CDH13: variants seen among roughly 807,000 people sequenced by gnomAD.
The protein encoded by CDH13 is cadherin-13.
CDH13 carries 24 observed loss-of-function variants against 63.8 expected under a neutral mutation model. That is an observed-to-expected ratio of 0.38 (90% confidence interval 0.27 to 0.53). The LOEUF (loss-of-function observed/expected upper bound fraction) is 0.53, where lower values mean the gene tolerates loss of function less well. Ranked by LOEUF, CDH13 falls within the 20% of genes least tolerant of loss-of-function variation. CDH13 has a pLI of 0.85. For missense variants in CDH13, 1,049 were observed against 903.1 expected, an observed-to-expected ratio of 1.16 and a Z score of -2.07; for synonymous variants, 503 against 355.3, an observed-to-expected ratio of 1.42 and a Z score of -4.67.
At chr16:83,715,400 A>G (rs956531029) in intron 10 of CDH13, among the ~76,000 whole-genome samples, 2 of 152,146 alleles carry the variant, frequency 1.3e-5, no homozygotes, top group African/African-American at 4.8e-5. Context: ...GGATTTCCTC[A>G]GGCAGTTGTT....
intron 4 of CDH13, among the ~76,000 whole-genome samples, chr16:83,147,815 C>T (rs1400869358): frequency 6.6e-6 from 1 of 152,174 alleles, no homozygotes; most frequent in Non-Finnish European, 1.5e-5. Context: ...CCTCACCTCA[C>T]TCATCTTGGT....
chr16:82,875,507 C>G (rs2040474342), intron 2 of CDH13, among the ~76,000 whole-genome samples: 1 of 152,140 alleles, frequency 6.6e-6, no homozygotes, highest in African/African-American at 2.4e-5. Flanking sequence ...GCAATGGGAA[C>G]TCATAGAATT....
At chr16:82,627,398 G>C (rs1243435883) in intron 1 of CDH13, among the ~76,000 whole-genome samples, 2 of 150,878 alleles carry the variant, frequency 1.3e-5, no homozygotes, top group East Asian at 3.9e-4. Context: ...GTTAACGGGA[G>C]GAGGAGAGAG....
At chr16:82,981,544 C>G (rs1358273613) in intron 2 of CDH13, among the ~76,000 whole-genome samples, 2 of 152,152 alleles carry the variant, frequency 1.3e-5, no homozygotes, top group Non-Finnish European at 2.9e-5. Context: ...TTAAACTAGT[C>G]TTCCCCTGCT....
chr16:82,952,314 A>G (rs1000851403), intron 2 of CDH13, among the ~76,000 whole-genome samples: 30 of 152,156 alleles, frequency 2.0e-4, no homozygotes, highest in Admixed American at 1.9e-3. Context: ...ATGAGCAATC[A>G]TTGCACCTCT....
At chr16:83,131,948 G>A (rs1351266932) in intron 4 of CDH13, among the ~76,000 whole-genome samples, 3 of 152,134 alleles carry the variant, frequency 2.0e-5, no homozygotes, top group Admixed American at 6.5e-5. Context: ...TGTCATGAAC[G>A]TAAGTCAGAC....
At chr16:83,073,263 G>T (rs974931468) in intron 3 of CDH13, among the ~76,000 whole-genome samples, 4 of 151,930 alleles carry the variant, frequency 2.6e-5, no homozygotes, top group Non-Finnish European at 5.9e-5. Context: ...AACAGAGTTC[G>T]AGGTTGAACC....
intron 3 of CDH13, among the ~76,000 whole-genome samples, chr16:83,083,100 T>C (rs2033362237): frequency 6.6e-6 from 1 of 152,224 alleles, no homozygotes. Flanking sequence ...TCTCTAAATA[T>C]CTTCACTAAA....
At chr16:83,263,349 T>C (rs977058160) in intron 5 of CDH13, among the ~76,000 whole-genome samples, 1 of 152,212 alleles carries the variant, frequency 6.6e-6, no homozygotes, top group Non-Finnish European at 1.5e-5. Flanking sequence ...AACAGCGATG[T>C]TTTGTTTTCA....
At chr16:83,356,388 C>T (rs1190331947) in intron 6 of CDH13, among the ~76,000 whole-genome samples, 2 of 152,052 alleles carry the variant, frequency 1.3e-5, no homozygotes. Context: ...GCCAGATTCT[C>T]CCCCTAGCGG....
intron 10 of CDH13, chr16:83,735,832 C>A (rs752893299): frequency 5.9e-5 from 9 of 152,156 alleles, no homozygotes; most frequent in Non-Finnish European, 1.3e-4. Context: ...TAGGCCTGGT[C>A]GGGAGTTCAT....
At chr16:83,402,335 G>T (rs1015958985) in intron 6 of CDH13, among the ~76,000 whole-genome samples, 3 of 152,104 alleles carry the variant, frequency 2.0e-5, no homozygotes, top group African/African-American at 7.2e-5. Flanking sequence ...CAAGATTATA[G>T]AACAGGACAC....
rs1904281897 is a variant in CDH13 at position 83,796,494 on chromosome 16, G to A, written c.*1464G>A. The A allele has an allele frequency of 6.6e-6, 1 of 152,190 alleles. No homozygotes were observed. Among genetic ancestry groups the A allele is most frequent in the Admixed American group, 6.5e-5 (1 of 15,282 alleles). The allele number at this position is 152,190 out of a possible 1,614,324, so 9.4% of individuals were successfully genotyped here. ...TTGTTGTAGTGAAATTATACAGATA[G>A]AGTTCCATATATTGTATTTGTTTCA... On this transcript the variant is annotated 3_prime_UTR_variant, in exon 14 of 14. Coordinates refer to ENST00000567109, the MANE Select transcript of CDH13 (RefSeq NM_001257.5).
chr16:83,094,224 A>C (rs1478216137), intron 3 of CDH13, among the ~76,000 whole-genome samples: 1 of 152,164 alleles, frequency 6.6e-6, no homozygotes, highest in Non-Finnish European at 1.5e-5. Context: ...GCTGCACGTG[A>C]AGATATCTGA....
At position 83,510,221 on chromosome 16, in the gene CDH13, T is replaced by A. The variant is rs1409924388; in HGVS notation, c.960+23566T>A. Among the ~76,000 whole-genome samples the A allele has an allele frequency of 2.0e-5, 3 of 152,226 alleles. No homozygotes were observed. The East Asian group carries it at 5.8e-4, about 29-fold the overall frequency. ...AGTGGATAAAGTGAAGAACATTTTTTATTCATATTAGAAGTGATAGTTGGA... is the reference window on the plus strand; with the variant it reads ...AGTGGATAAAGTGAAGAACATTTTTAATTCATATTAGAAGTGATAGTTGGA... On this transcript the variant is annotated intron_variant, in intron 7 of 13. Transcript: ENST00000567109.
chr16:83,562,473 A>G (rs995225661), intron 7 of CDH13, among the ~76,000 whole-genome samples: 1 of 152,198 alleles, frequency 6.6e-6, no homozygotes, highest in African/African-American at 2.4e-5. Context: ...GATTCTATGT[A>G]TTTTTAGATG....
chr16:82,928,096 T>A (rs1425024402), intron 2 of CDH13, among the ~76,000 whole-genome samples: 3 of 152,178 alleles, frequency 2.0e-5, no homozygotes, highest in African/African-American at 7.2e-5. Context: ...ATTTCAGAAC[T>A]ATGATCATAC....
chr16:83,084,128 G>C (rs1253115223), intron 3 of CDH13, among the ~76,000 whole-genome samples: 2 of 152,188 alleles, frequency 1.3e-5, no homozygotes, highest in African/African-American at 4.8e-5. Flanking sequence ...GTTATAGGTA[G>C]CGCTCTTCAC....
chr16:83,710,192 C>T (rs564439350), intron 10 of CDH13: 2 of 152,300 alleles, frequency 1.3e-5, no homozygotes, highest in East Asian at 3.9e-4. Flanking sequence ...TCAGGGGGGA[C>T]AATTGAAGTT....
Sources: gnomAD v4.1 joint callset for allele counts (sites outside exome capture counted in the v4.1 genomes callset) on GRCh38, gnomAD v4.1.1 for gene constraint, MANE v1.5 for transcripts, NCBI Gene and HGNC (gene_info 2026-07-23, HGNC 2026-07-21) for gene names.